Variants in CDC42BPB observed in about 807,000 individuals in gnomAD.
The protein encoded by CDC42BPB is serine/threonine-protein kinase MRCK beta.
Under a neutral mutation model 214.9 loss-of-function variants are expected in CDC42BPB, and 37 were observed. The ratio of observed to expected loss-of-function variants is 0.17; its 90% CI spans 0.13 to 0.23. The LOEUF (loss-of-function observed/expected upper bound fraction) is 0.23, where lower values mean the gene tolerates loss of function less well. CDC42BPB is among the 10% of genes least tolerant of loss of function. The pLI, the probability that CDC42BPB is intolerant of heterozygous loss-of-function variation, is 1.00. For synonymous variants in CDC42BPB, 931 were observed against 884.0 expected (o/e 1.05, Z -0.94); for missense variants, 1,694 against 2,227.0 (o/e 0.76, Z 4.82).
At position 103,004,015 on chromosome 14, in the gene CDC42BPB, G is replaced by A; in HGVS notation, c.360C>T (p.Cys120=). 6.2e-7 allele frequency: 1 copy of A among 1,602,258 alleles called. No individual in the cohort carries two copies. The highest frequency in any genetic ancestry group is 1.7e-4 in the Middle Eastern group (1 of 6,056). Residue 120 remains cysteine, a synonymous_variant, in exon 4 of 37, where the codon TGC becomes TGT. Coordinates refer to ENST00000361246, the MANE Select transcript of CDC42BPB (RefSeq NM_006035.4). This position sits in a 1 kb window ranked among gnomAD's most constrained non-coding sequence, Gnocchi z 5.3. ...CCAGCACATCGCGCTCCTCTCGGAA[G>A]CACGCGGTCTGCAAAGCAACGAGGG... ...WEMLKRAETA[C]FREERDVLVN... is the part of the protein sequence containing the mutation.
In CDC42BPB at chr14:102,967,097, T is replaced by C. The variant is rs147925899; in HGVS notation, c.2420A>G (p.Lys807Arg). ...TTCCCAGTGGGCCACTGACTCCTTC[T>C]TGGCTGCCAGATCCTGCAGCTCATC... ...LEDELQDLAA[K>R]KESVAHWEAQ... Residue 807 changes from lysine to arginine, a missense_variant, in exon 17 of 37, where the codon AAG becomes AGG. This residue lies in a region of CDC42BPB where 462 missense variants were observed against 513.5 expected (regional missense o/e 0.90). Transcript: ENST00000361246. 69 of 1,614,118 alleles carry C rather than the reference T, an allele frequency of 4.3e-5. No homozygotes were observed. The highest frequency in any genetic ancestry group is 8.0e-5 in the African/African-American group (6 of 74,944).
chr14:102,963,993 ACT>A (rs751932320), intron 19 of CDC42BPB, among the ~76,000 whole-genome samples: 1 of 104,352 alleles, frequency 9.6e-6, no homozygotes, highest in South Asian at 3.8e-4. Flanking sequence ...CAAAGAGGAG[ACT>A]CTCAGCAAAT....
intron 17 of CDC42BPB, 25 bp downstream of exon 17, chr14:102,967,021 G>A: frequency 6.2e-7 from 1 of 1,608,776 alleles, no homozygotes; most frequent in Non-Finnish European, 8.5e-7. Flanking sequence ...CGGATTCACG[G>A]CCGCTAATGG....
rs543355686 is a variant in CDC42BPB, at chr14:102,974,827, G to C, written c.1508-678C>G. 4.7e-4 allele frequency among the ~76,000 whole-genome samples: 72 copies of C among 152,228 alleles called. 1 individual carries two copies. In the South Asian group the frequency reaches 9.1e-3, roughly 19 times the overall value. ...ATACAAAAAATTAGCCAGGCGTGGTGGGGGGCTACTTGGGAGGCTGAGACA... is the reference window on the plus strand; with the variant it reads ...ATACAAAAAATTAGCCAGGCGTGGTCGGGGGCTACTTGGGAGGCTGAGACA... On this transcript the variant is annotated intron_variant, in intron 11 of 36. Transcript: ENST00000361246.
At chr14:102,965,388 T>TAAAAAAAAAAAAAAA (rs765936398) in intron 18 of CDC42BPB, among the ~76,000 whole-genome samples, 2 of 115,256 alleles carry the variant, frequency 1.7e-5, no homozygotes, top group African/African-American at 3.1e-5. Context: ...TACCTGTGAT[T>TAAAAAAAAAAAAAAA]AAAAAAAAAA....
intron 1 of CDC42BPB, among the ~76,000 whole-genome samples, chr14:103,034,783 G>A (rs8005816): frequency 0.11 from 16,150 of 148,188 alleles, 2,253 homozygotes; most frequent in African/African-American, 0.33. Flanking sequence ...GTGCCACTGC[G>A]CTCCAGCCTG....
chr14:102,959,949 G>C (rs1892884280), intron 20 of CDC42BPB: 1 of 597,544 alleles, frequency 1.7e-6, no homozygotes. Context: ...GCTCACGCCT[G>C]TAATCCCAAC....
intron 4 of CDC42BPB, 127 bp downstream of exon 4, chr14:103,003,801 T>TTGA: frequency 1.6e-6 from 1 of 632,052 alleles, no homozygotes; most frequent in East Asian, 3.1e-5. Context: ...AGCCCCGCCG[T>TTGA]TTTATCGAGT....
chr14:102,938,298 C>G lies in CDC42BPB; in HGVS notation c.4933+8G>C. 1 of 1,607,934 alleles carries G rather than the reference C, an allele frequency of 6.2e-7. No homozygotes were observed. The highest frequency in any genetic ancestry group is 1.3e-5 in the African/African-American group (1 of 74,892). ...CCCAGGGCTGCGGGGGCCAGGCTTC[C>G]CCTGTACCTGATGAGGGCCACGAGA... is the stretch of plus-strand genomic sequence containing the variant. On this transcript the variant is annotated splice_region_variant and intron_variant, in intron 35 of 36. Coordinates refer to ENST00000361246, the MANE Select transcript of CDC42BPB (RefSeq NM_006035.4).
intron 1 of CDC42BPB, among the ~76,000 whole-genome samples, chr14:103,054,601 C>T (rs559361330): frequency 4.6e-5 from 7 of 152,330 alleles, no homozygotes; most frequent in African/African-American, 1.7e-4. Flanking sequence ...TAGAAATACA[C>T]CACTTTAGAG....
intron 5 of CDC42BPB, among the ~76,000 whole-genome samples, chr14:102,994,565 T>TCTAATGGCACAGCGGGGAG (rs1894640954): frequency 6.6e-6 from 1 of 152,186 alleles, no homozygotes; most frequent in African/African-American, 2.4e-5. Flanking sequence ...TCCATTCTCC[T>TCTAATGGCACAGCGGGGAG]CTAATGGCAC....
intron 5 of CDC42BPB, among the ~76,000 whole-genome samples, chr14:102,996,205 T>C (rs914695615): frequency 3.9e-5 from 6 of 151,970 alleles, no homozygotes; most frequent in African/African-American, 1.2e-4. Context: ...CTGGGCGTGG[T>C]GGTGGGCACC....
intron 20 of CDC42BPB, among the ~76,000 whole-genome samples, 189 bp downstream of exon 20, chr14:102,962,872 A>G (rs1049179985): frequency 7.2e-5 from 11 of 152,222 alleles, no homozygotes; most frequent in Non-Finnish European, 1.2e-4. Flanking sequence ...AGGATAAACC[A>G]AAAACAATGG....
intron 29 of CDC42BPB, 51 bp downstream of exon 29, chr14:102,945,611 G>A: frequency 1.3e-6 from 2 of 1,524,712 alleles, no homozygotes; most frequent in Non-Finnish European, 1.8e-6. Flanking sequence ...TGTCTGCAGA[G>A]GCCAGGCTGG....
chr14:102,950,417 C>T lies in CDC42BPB; in HGVS notation c.3309+49G>A, dbSNP rs200102643. 2.9e-5 allele frequency: 47 copies of T among 1,605,484 alleles called. No individual in the cohort carries two copies. In the African/African-American group the frequency reaches 4.4e-4, roughly 15 times the overall value. ...AGTGGCTGGGCATGGCTATTGGTCACTGCACCTCACAGGCACCGAGGGCTG... is the reference window on the plus strand; with the variant it reads ...AGTGGCTGGGCATGGCTATTGGTCATTGCACCTCACAGGCACCGAGGGCTG... On this transcript the variant is annotated intron_variant, in intron 25 of 36. Transcript: ENST00000361246.
chr14:102,954,767 T>C, intron 21 of CDC42BPB, 79 bp from the exon 22 acceptor site: 12 of 1,528,112 alleles, frequency 7.9e-6, no homozygotes, highest in Non-Finnish European at 1.1e-5. Flanking sequence ...AGTTCTTTAC[T>C]AATAAAAGCA....
chr14:102,997,498 T>C (rs1894795247), intron 5 of CDC42BPB, among the ~76,000 whole-genome samples: 1 of 152,044 alleles, frequency 6.6e-6, no homozygotes, highest in Non-Finnish European at 1.5e-5. Context: ...ATCTCTGCAC[T>C]TGAAAAGCCA....
At chr14:102,986,718 C>T in intron 5 of CDC42BPB, 138 bp from the exon 6 acceptor site, 2 of 1,354,948 alleles carry the variant, frequency 1.5e-6, no homozygotes, top group Non-Finnish European at 9.5e-7. Context: ...GTACAAATGC[C>T]TCTGTGTGAC....
At chr14:102,981,464 G>C (rs143937296) in intron 7 of CDC42BPB, among the ~76,000 whole-genome samples, 5 of 152,112 alleles carry the variant, frequency 3.3e-5, no homozygotes, top group African/African-American at 1.2e-4. Context: ...TTACCTACAT[G>C]CCCATCAAAA....
Sources: allele counts gnomAD v4.1 joint callset (sites outside exome capture counted in the v4.1 genomes callset), GRCh38; gene constraint gnomAD v4.1.1; regional missense constraint gnomAD v4.1.1; non-coding constraint Gnocchi (gnomAD v3.1); transcripts MANE v1.5; gene names NCBI Gene and HGNC (gene_info 2026-07-23, HGNC 2026-07-21).